The following ADAM22 variants were observed in gnomAD, a reference collection of about 807,000 sequenced individuals.
The protein encoded by ADAM22 is disintegrin and metalloproteinase domain-containing protein 22.
ADAM22 carries 65 observed loss-of-function variants against 144.6 expected under a neutral mutation model. That is an observed-to-expected ratio of 0.45 (90% CI 0.37 to 0.55). ADAM22 has a LOEUF of 0.55. Among genes scored for constraint, ADAM22 ranks in the 20% least tolerant of loss-of-function variants. The pLI is 0.00. For missense variants in ADAM22, 974 were observed against 1,184.9 expected (o/e 0.82, Z 2.61); for synonymous variants, 391 against 412.6 (o/e 0.95, Z 0.63).
intron 2 of ADAM22, among the ~76,000 whole-genome samples, chr7:87,947,852 C>T (rs1844097556): frequency 6.6e-6 from 1 of 152,118 alleles, no homozygotes; most frequent in Non-Finnish European, 1.5e-5. Context: ...CATGGACCCT[C>T]ATCTTCATTT....
chr7:87,989,516 A>C (rs1036548663), intron 3 of ADAM22, among the ~76,000 whole-genome samples: 1 of 152,210 alleles, frequency 6.6e-6, no homozygotes, highest in African/African-American at 2.4e-5. Flanking sequence ...TCTCCCCTGT[A>C]TAGTATTCAT....
In ADAM22 at chr7:88,072,196, C is replaced by T. The variant is rs995874590; in HGVS notation, c.324-3430C>T. ...GTTTTTGGTTTAAAATTACATGGAG[C>T]GCTTTCCAGCAATACTTGTATATAG... On this transcript the variant is annotated intron_variant, in intron 3 of 31. Coordinates refer to ENST00000413139, the MANE Select transcript of ADAM22 (RefSeq NM_001324418.2). Among the ~76,000 whole-genome samples, 5 of 151,954 alleles carry T rather than the reference C, an allele frequency of 3.3e-5. No homozygotes were observed. In the East Asian group the frequency reaches 9.6e-4, roughly 29 times the overall value.
At chr7:88,065,957 A>G (rs1040262300) in intron 3 of ADAM22, among the ~76,000 whole-genome samples, 2 of 152,176 alleles carry the variant, frequency 1.3e-5, no homozygotes, top group African/African-American at 2.4e-5. Flanking sequence ...TTTTAATTCC[A>G]TAAAATGTCT....
chr7:88,003,945 G>T (rs942469341), intron 3 of ADAM22, among the ~76,000 whole-genome samples: 1 of 152,180 alleles, frequency 6.6e-6, no homozygotes, highest in Non-Finnish European at 1.5e-5. Context: ...CTTGCACCTG[G>T]TGGAAAAGTA....
chr7:88,049,374 C>A (rs962203595), intron 3 of ADAM22, among the ~76,000 whole-genome samples: 3 of 151,156 alleles, frequency 2.0e-5, no homozygotes, highest in African/African-American at 7.3e-5. Context: ...TTTTTCTTTT[C>A]TGTTTTTTGT....
At chr7:88,101,680 C>CT (rs576470905) in intron 4 of ADAM22, among the ~76,000 whole-genome samples, 1 of 152,108 alleles carries the variant, frequency 6.6e-6, no homozygotes, top group Admixed American at 6.6e-5. Flanking sequence ...AAAGCCAACT[C>CT]TTTTTTGGGA....
intron 3 of ADAM22, among the ~76,000 whole-genome samples, chr7:88,039,481 A>ATATATATATATATATATATATATATG (rs1318969444): frequency 6.7e-5 from 9 of 134,738 alleles, no homozygotes; most frequent in Admixed American, 1.6e-4. Flanking sequence ...ATATATATAT[A>ATATATATATATATATATATATATATG]TATACATTTC....
intron 3 of ADAM22, among the ~76,000 whole-genome samples, chr7:88,033,222 A>G (rs1800715729): frequency 6.6e-6 from 1 of 152,162 alleles, no homozygotes; most frequent in Non-Finnish European, 1.5e-5. Context: ...TGTGATATAC[A>G]TTTTTGGTTG....
chr7:87,968,567 T>C (rs777086175), intron 2 of ADAM22, among the ~76,000 whole-genome samples: 1 of 151,912 alleles, frequency 6.6e-6, no homozygotes, highest in Non-Finnish European at 1.5e-5. Context: ...ATTTAAAAAA[T>C]AGAAATAGCT....
At chr7:88,003,973 T>A (rs1018441834) in intron 3 of ADAM22, among the ~76,000 whole-genome samples, 3 of 152,224 alleles carry the variant, frequency 2.0e-5, no homozygotes, top group Admixed American at 6.5e-5. Context: ...GGCCTGACTC[T>A]GCAGAACAGT....
At chr7:88,104,912 A>T (rs2129487177) in intron 4 of ADAM22, among the ~76,000 whole-genome samples, 1 of 152,254 alleles carries the variant, frequency 6.6e-6, no homozygotes, top group East Asian at 1.9e-4. Context: ...TTTTGTGCAG[A>T]TGCATCCTGA....
intron 2 of ADAM22, among the ~76,000 whole-genome samples, chr7:87,960,375 G>T (rs1026949360): frequency 2.3e-4 from 34 of 149,282 alleles, no homozygotes; most frequent in East Asian, 2.0e-4. Context: ...GTGGTAGTGG[G>T]GTGTGTGTGT....
intron 7 of ADAM22, among the ~76,000 whole-genome samples, chr7:88,118,875 A>G (rs372668564): frequency 6.6e-6 from 1 of 152,128 alleles, no homozygotes; most frequent in East Asian, 1.9e-4. Flanking sequence ...ATTACTTATG[A>G]TTTACTGTGA....
At chr7:88,158,264 A>C (rs971187818) in intron 22 of ADAM22, among the ~76,000 whole-genome samples, 1 of 152,200 alleles carries the variant, frequency 6.6e-6, no homozygotes, top group African/African-American at 2.4e-5. Context: ...AAGTTCTTAG[A>C]GACCTACAAA....
rs1233307385 is a variant in ADAM22 at position 88,181,586 on chromosome 7, T to A, written c.2577T>A (p.Pro859=). The change falls in exon 28 of 32, where the codon CCT becomes CCA. Residue 859 remains proline (P), a synonymous_variant. Coordinates refer to ENST00000413139, the MANE Select transcript of ADAM22 (RefSeq NM_001324418.2). ...CAGACATCTGTGAAAATGGGCGACC[T>A]CGAAGTAACTCTTGGCAAGGTAGAG... is the stretch of plus-strand genomic sequence containing the variant. The part of the protein sequence containing the change: ...HISDICENGR[P]RSNSWQGNLG... 3 of 1,613,618 alleles carry A rather than the reference T, an allele frequency of 1.9e-6. No homozygotes were observed. Among genetic ancestry groups the A allele is most frequent in the Non-Finnish European group, 2.5e-6 (3 of 1,179,718 alleles).
chr7:88,115,038 G>T (rs1451161721), intron 6 of ADAM22, among the ~76,000 whole-genome samples: 4 of 151,948 alleles, frequency 2.6e-5, no homozygotes, highest in Non-Finnish European at 2.9e-5. Flanking sequence ...ATGAGGTCAG[G>T]AGTTAGAGAC....
chr7:88,181,532 T>G lies in ADAM22; in HGVS notation c.2523T>G (p.Ser841Arg). 6.2e-7 allele frequency: 1 copy of G among 1,613,744 alleles called. No homozygotes were observed. Among genetic ancestry groups the G allele is most frequent in the Non-Finnish European group, 8.5e-7 (1 of 1,179,748 alleles). Residue 841 changes from serine to arginine, a missense_variant, in exon 28 of 32, where the codon AGT (serine) becomes AGG (arginine). Physicochemically the swap from Ser to Arg is moderately radical, Grantham distance 110. Coordinates refer to ENST00000413139, the MANE Select transcript of ADAM22 (RefSeq NM_001324418.2). ...CAAATGGGCTCTCTCATTCTTGGAG[T>G]GAAAGGATTCCAGACACAAAACATA... ...SRSNGLSHSW[S>R]ERIPDTKHIS...
intron 3 of ADAM22, among the ~76,000 whole-genome samples, chr7:88,051,976 TG>T (rs953011553): frequency 1.3e-5 from 2 of 152,162 alleles, no homozygotes; most frequent in Non-Finnish European, 2.9e-5. Context: ...ATTCAGAATA[TG>T]GGTTTAGGCT....
chr7:88,177,888 T>C (rs1170142187), intron 26 of ADAM22, among the ~76,000 whole-genome samples: 1 of 152,154 alleles, frequency 6.6e-6, no homozygotes, highest in Non-Finnish European at 1.5e-5. Flanking sequence ...TTGCTAGAGA[T>C]TTAATTAAGC....
Sources: allele counts gnomAD v4.1 joint callset (sites outside exome capture counted in the v4.1 genomes callset), GRCh38; gene constraint gnomAD v4.1.1; transcripts MANE v1.5; gene names NCBI Gene and HGNC (gene_info 2026-07-23, HGNC 2026-07-21).